ST7L: variants seen among roughly 807,000 people sequenced by gnomAD.
ST7L encodes the protein suppressor of tumorigenicity 7 protein-like.
A neutral mutation model predicts 72.5 loss-of-function variants in ST7L; 57 were observed. The ratio of observed to expected loss-of-function variants is 0.79; its 90% confidence interval spans 0.64 to 0.98. The LOEUF is 0.98. Ranked by LOEUF, ST7L falls within the 50% of genes least tolerant of loss-of-function variation. The probability of loss-of-function intolerance (pLI) is 0.00; values close to 1 mark genes in which losing one functional copy is unlikely to be tolerated. For synonymous variants in ST7L, 221 were observed against 240.9 expected (o/e 0.92, Z 0.77); for missense variants, 576 against 672.2 (o/e 0.86, Z 1.58).
chr1:112,520,200 C>G, downstream of ST7L: 1 of 1,382,310 alleles, frequency 7.2e-7, no homozygotes, highest in Admixed American at 2.0e-5. Flanking sequence ...TTTTTATCTT[C>G]CTTCTGAGAA....
At chr1:112,530,717 T>C (rs1304334922) in intron 14 of ST7L, among the ~76,000 whole-genome samples, 1 of 152,168 alleles carries the variant, frequency 6.6e-6, no homozygotes, top group Admixed American at 6.5e-5. Context: ...ACCCAGCCTC[T>C]GTGCCTATTT....
rs1670427616 is a variant in ST7L at position 112,619,058 on chromosome 1, G to C, written c.56C>G (p.Ser19Cys). 6.2e-7 allele frequency: 1 copy of C among 1,613,934 alleles called. No homozygotes were observed. Residue 19 changes from serine to cysteine, a missense_variant, in exon 1 of 15, where the codon TCT (serine) becomes TGT (cysteine). Coordinates refer to ENST00000358039, the MANE Select transcript of ST7L (RefSeq NM_017744.5). ...TAGCGTCGGGTTTAGGCCAGGGACA[G>C]ATGCAGGAGACGCTCCAACAGCTGC... ...EAAAVGASPA[S>C]VPGLNPTLGW...
At chr1:112,589,948 G>A (rs922063085) in intron 6 of ST7L, among the ~76,000 whole-genome samples, 10 of 152,188 alleles carry the variant, frequency 6.6e-5, no homozygotes, top group Non-Finnish European at 1.3e-4. Context: ...ATTCCTCAAA[G>A]TGTCTAATTC....
At chr1:112,536,637 CT>C (rs1254706540) in intron 14 of ST7L, among the ~76,000 whole-genome samples, 1 of 152,068 alleles carries the variant, frequency 6.6e-6, no homozygotes, top group Non-Finnish European at 1.5e-5. Flanking sequence ...AGTGTAACAT[CT>C]GACCTTCTAT....
chr1:112,577,212 A>T, intron 10 of ST7L, 124 bp from the exon 11 acceptor site: 1 of 507,902 alleles, frequency 2.0e-6, no homozygotes, highest in Non-Finnish European at 3.3e-6. Flanking sequence ...AAACAAAGCC[A>T]GAGGACTAAC....
In ST7L at chr1:112,610,618, G is replaced by A. The variant is rs570508622; in HGVS notation, c.451+223C>T. 4.2e-5 allele frequency: 19 copies of A among 454,924 alleles called. No homozygotes were observed. The East Asian group carries it at 5.5e-4, about 13-fold the overall frequency. The allele number at this position is 454,924 out of a possible 1,614,324, so 28.2% of individuals were successfully genotyped here. A position where few individuals can be genotyped will look rare whatever the true frequency, so the allele number is the denominator to read the frequency against. Reference sequence around the variant, plus strand: ...CGGTAGAAGTGGCAAGCAGCTCTCTGGGGTCTCTCATAAGGGCATTCATCA... The same window carrying A: ...CGGTAGAAGTGGCAAGCAGCTCTCTAGGGTCTCTCATAAGGGCATTCATCA... On this transcript the variant is annotated intron_variant, in intron 3 of 14. Transcript: ENST00000358039.
intron 11 of ST7L, among the ~76,000 whole-genome samples, chr1:112,559,644 T>C (rs1428342594): frequency 6.6e-6 from 1 of 152,226 alleles, no homozygotes; most frequent in African/African-American, 2.4e-5. Flanking sequence ...GAAATTATAC[T>C]TCAAGATTTT....
chr1:112,553,357 G>A (rs1161460880), intron 12 of ST7L, among the ~76,000 whole-genome samples: 1 of 152,050 alleles, frequency 6.6e-6, no homozygotes, highest in South Asian at 2.1e-4. Flanking sequence ...TGGAACTACA[G>A]GTGTGAGTCA....
Position 112,612,257 on chromosome 1 carries a change from C to G in ST7L, c.289-1254G>C, listed in dbSNP as rs1484987406. Among the ~76,000 whole-genome samples, 5 of 151,918 alleles carry G rather than the reference C, an allele frequency of 3.3e-5. No homozygotes were observed. In the East Asian group the frequency reaches 9.7e-4, roughly 29 times the overall value. ...GGACTACAGGCATGTGCCACCATGCCCAGCTAATTTTTATGTTTTTTGTAG... is the reference window on the plus strand; with the variant it reads ...GGACTACAGGCATGTGCCACCATGCGCAGCTAATTTTTATGTTTTTTGTAG... On this transcript the variant is annotated intron_variant, in intron 2 of 14. Transcript: ENST00000358039.
intron 13 of ST7L, among the ~76,000 whole-genome samples, chr1:112,545,759 T>C (rs531912584): frequency 1.3e-5 from 2 of 152,330 alleles, no homozygotes; most frequent in Admixed American, 1.3e-4. Context: ...CTGCCACTCA[T>C]TGCTTAGACA....
chr1:112,584,354 T>TA (rs1380277678), intron 6 of ST7L, among the ~76,000 whole-genome samples: 28 of 143,732 alleles, frequency 1.9e-4, no homozygotes, highest in South Asian at 4.3e-4. Context: ...TCTTTGTTTT[T>TA]TAAAAAAAAA....
rs1162460471 is a variant in ST7L at position 112,584,085 on chromosome 1, G to A, written c.743C>T (p.Thr248Ile). Residue 248 changes from threonine to isoleucine, a missense_variant, in exon 7 of 15, where the codon ACA becomes ATA. Coordinates refer to ENST00000358039, the MANE Select transcript of ST7L (RefSeq NM_017744.5). ...TAACCTTTCAGCATCTACAATAGTT[G>A]TTGCTTCTTCCTCAGCCAGTAGAAC... Reference protein sequence around the residue: ...AYVLLAEEEATTIVDAERLFK... With the variant: ...AYVLLAEEEAITIVDAERLFK... 1 of 1,614,044 alleles carries A rather than the reference G, an allele frequency of 6.2e-7. No homozygotes were observed. The highest frequency in any genetic ancestry group is 2.2e-5 in the East Asian group (1 of 44,866).
At chr1:112,573,348 CAAAAAAA>C (rs35107656) in intron 11 of ST7L, among the ~76,000 whole-genome samples, 3 of 69,664 alleles carry the variant, frequency 4.3e-5, no homozygotes, top group African/African-American at 5.8e-5. Flanking sequence ...AACTCCCTCT[CAAAAAAA>C]AAAAAAAAAA....
downstream of ST7L, among the ~76,000 whole-genome samples, chr1:112,519,956 C>T (rs1220688430): frequency 6.7e-6 from 1 of 150,250 alleles, no homozygotes; most frequent in East Asian, 2.0e-4. Context: ...TCACTGCAGC[C>T]TCGACCTCCC....
In ST7L at chr1:112,616,835, G is replaced by A; in HGVS notation, c.266C>T (p.Ser89Leu). 1 of 1,605,624 alleles carries A rather than the reference G, an allele frequency of 6.2e-7. No homozygotes were observed. Among genetic ancestry groups the A allele is most frequent in the East Asian group, 2.2e-5 (1 of 44,674 alleles). Reference sequence around the variant, plus strand: ...TACAAATATTAGTCCTGATATCAATGAAGAGGTCCCTGTAAGTGCCACATA... The same window carrying A: ...TACAAATATTAGTCCTGATATCAATAAAGAGGTCCCTGTAAGTGCCACATA... The part of the protein sequence containing the change: ...KFYVALTGTS[S>L]LISGLIFIFE... Residue 89 changes from serine (S) to leucine (L), a missense_variant, in exon 2 of 15, where the codon TCA becomes TTA. By Grantham distance (145) the Ser-to-Leu change is moderately radical (BLOSUM62 -2). This residue lies in a region of ST7L where 511 missense variants were observed against 600.7 expected (regional missense o/e 0.85). Transcript: ENST00000358039.
chr1:112,534,714 C>T (rs1249914916), intron 14 of ST7L, among the ~76,000 whole-genome samples: 1 of 152,150 alleles, frequency 6.6e-6, no homozygotes, highest in Non-Finnish European at 1.5e-5. Context: ...TTTTCTAAAA[C>T]AAAGATCAGT....
At chr1:112,569,017 A>G (rs1009414586) in intron 11 of ST7L, among the ~76,000 whole-genome samples, 4 of 151,884 alleles carry the variant, frequency 2.6e-5, no homozygotes, top group Non-Finnish European at 4.4e-5. Flanking sequence ...CAAAACTACA[A>G]TGAAATATCA....
intron 11 of ST7L, among the ~76,000 whole-genome samples, chr1:112,565,726 A>T (rs1479607521): frequency 3.9e-5 from 6 of 152,148 alleles, no homozygotes; most frequent in Non-Finnish European, 8.8e-5. Flanking sequence ...GAACAACTCA[A>T]AGAAGATGGG....
intron 3 of ST7L, among the ~76,000 whole-genome samples, chr1:112,606,134 G>A (rs1342158625): frequency 2.0e-5 from 3 of 152,112 alleles, no homozygotes; most frequent in African/African-American, 7.2e-5. Context: ...AAGTGCACAC[G>A]TGATATCAAA....
Sources: allele counts gnomAD v4.1 joint callset (sites outside exome capture counted in the v4.1 genomes callset), GRCh38; gene constraint gnomAD v4.1.1; regional missense constraint gnomAD v4.1.1; transcripts MANE v1.5; gene names NCBI Gene and HGNC (gene_info 2026-07-23, HGNC 2026-07-21).